VPS13B: variants seen among roughly 807,000 people sequenced by gnomAD.
VPS13B encodes intermembrane lipid transfer protein VPS13B.
Under a neutral mutation model 426.4 loss-of-function variants are expected in VPS13B, and 285 were observed. The ratio of observed to expected loss-of-function variants is 0.67; its 90% CI spans 0.61 to 0.74. The LOEUF is 0.74. Among genes scored for constraint, VPS13B ranks in the 30% least tolerant of loss-of-function variants. The probability of loss-of-function intolerance (pLI) is 0.00; values close to 1 mark genes in which losing one functional copy is unlikely to be tolerated. For synonymous variants in VPS13B, 1,676 were observed against 1,676.4 expected (o/e 1.00, Z 0.01); for missense variants, 4,537 against 4,782.6 (o/e 0.95, Z 1.51).
rs74912622 is a variant in VPS13B, at chr8:99,180,590, G to C, written c.2333+10427G>C. On this transcript the variant is annotated intron_variant, in intron 16 of 61. Coordinates refer to ENST00000357162, the MANE Select transcript of VPS13B (RefSeq NM_152564.5). ...ATGGTCAGGGAAGTTCTCTTACATG[G>C]ATGTGACTTTTGACTCCAACCTAAA... Among the ~76,000 whole-genome samples the C allele has an allele frequency of 4.2e-3, 633 of 152,292 alleles. 9 individuals are homozygous for C. The highest frequency in any genetic ancestry group is 0.015 in the African/African-American group (608 of 41,572).
At chr8:99,026,917 C>A (rs1230547526) in intron 2 of VPS13B, among the ~76,000 whole-genome samples, 1 of 152,070 alleles carries the variant, frequency 6.6e-6, no homozygotes, top group African/African-American at 2.4e-5. Flanking sequence ...CACTCTGTCA[C>A]CCAGGCTGGA....
In VPS13B at chr8:99,489,878, G is replaced by A. The variant is rs193211037; in HGVS notation, c.3870+8076G>A. 6.3e-3 allele frequency among the ~76,000 whole-genome samples: 962 copies of A among 152,084 alleles called. 8 individuals are homozygous for A. The highest frequency in any genetic ancestry group is 0.022 in the African/African-American group (902 of 41,520). On this transcript the variant is annotated intron_variant, in intron 25 of 61. Coordinates refer to ENST00000357162, the MANE Select transcript of VPS13B (RefSeq NM_152564.5). ...GGACAATTTGACTTCCTCTTTTCCT[G>A]CTTGAATACCCTTTATTTCTTTCTC...
Position 99,256,206 on chromosome 8 carries a change from T to G in VPS13B, c.2516-17992T>G, listed in dbSNP as rs1817735734. On this transcript the variant is annotated intron_variant, in intron 17 of 61. Coordinates refer to ENST00000357162, the MANE Select transcript of VPS13B (RefSeq NM_152564.5). ...GCAAAACAAAACCCGTGATCCTTAC[T>G]ACCATGACATTTGCTGGGTCTACAT... Among the ~76,000 whole-genome samples, 3 of 152,212 alleles carry G rather than the reference T, an allele frequency of 2.0e-5. 1 individual carries two copies. In the South Asian group the frequency reaches 6.2e-4, roughly 31 times the overall value.
chr8:99,659,206 A>G (rs942523698), intron 34 of VPS13B, among the ~76,000 whole-genome samples: 4 of 152,134 alleles, frequency 2.6e-5, no homozygotes, highest in African/African-American at 9.7e-5. Flanking sequence ...AAGATTTAGT[A>G]TATTTTAATG....
chr8:99,123,227 T>C (rs2132522968), intron 8 of VPS13B, among the ~76,000 whole-genome samples: 1 of 151,458 alleles, frequency 6.6e-6, no homozygotes, highest in South Asian at 2.1e-4. Context: ...AATGGGATGA[T>C]CAGGGAAGGC....
chr8:99,307,256 A>G (rs974605820), intron 19 of VPS13B, among the ~76,000 whole-genome samples: 2 of 152,128 alleles, frequency 1.3e-5, no homozygotes, highest in Non-Finnish European at 2.9e-5. Context: ...CAGAGAAAAT[A>G]GCATTAAGGT....
At chr8:99,130,957 A>T (rs1171659579) in intron 8 of VPS13B, among the ~76,000 whole-genome samples, 5 of 152,330 alleles carry the variant, frequency 3.3e-5, no homozygotes, top group African/African-American at 9.6e-5. Flanking sequence ...TTAAAATTGT[A>T]ACTTTCTAGT....
At chr8:99,840,809 A>G (rs1815644892) in intron 54 of VPS13B, among the ~76,000 whole-genome samples, 1 of 152,240 alleles carries the variant, frequency 6.6e-6, no homozygotes, top group Non-Finnish European at 1.5e-5. Flanking sequence ...AGTAATTTTC[A>G]GAGTTATGTC....
intron 35 of VPS13B, among the ~76,000 whole-genome samples, chr8:99,662,237 ATCT>A (rs994803108): frequency 1.3e-5 from 2 of 151,898 alleles, no homozygotes; most frequent in Admixed American, 1.3e-4. Flanking sequence ...TTATTCCTCG[ATCT>A]TCCTCCTCTG....
chr8:99,434,526 C>T (rs1478955972), intron 22 of VPS13B, among the ~76,000 whole-genome samples: 2 of 152,154 alleles, frequency 1.3e-5, no homozygotes, highest in African/African-American at 2.4e-5. Flanking sequence ...GATACAGACA[C>T]ATTATGCATA....
At chr8:99,350,896 T>C (rs1261212462) in intron 19 of VPS13B, among the ~76,000 whole-genome samples, 1 of 151,828 alleles carries the variant, frequency 6.6e-6, no homozygotes, top group Non-Finnish European at 1.5e-5. Flanking sequence ...CAGGAGATTG[T>C]AATATGTAAT....
At position 99,472,150 on chromosome 8, in the gene VPS13B, C is replaced by T. The variant is rs1819444495; in HGVS notation, c.3666+4516C>T. Reference sequence around the variant, plus strand: ...GGAAAAAGATAGAGAATTCTAGAATCGTAGTAGGAAATTTTTATAACACCT... The same window carrying T: ...GGAAAAAGATAGAGAATTCTAGAATTGTAGTAGGAAATTTTTATAACACCT... On this transcript the variant is annotated intron_variant, in intron 24 of 61. Coordinates refer to ENST00000357162, the MANE Select transcript of VPS13B (RefSeq NM_152564.5). Among the ~76,000 whole-genome samples the T allele has an allele frequency of 2.0e-5, 3 of 151,754 alleles. 1 individual carries two copies. In the South Asian group the frequency reaches 6.2e-4, roughly 32 times the overall value.
At chr8:99,366,583 A>C (rs960628421) in intron 19 of VPS13B, among the ~76,000 whole-genome samples, 8 of 144,860 alleles carry the variant, frequency 5.5e-5, no homozygotes, top group African/African-American at 1.5e-4. Flanking sequence ...TGGACAGGTT[A>C]GTCCATTTAT....
intron 35 of VPS13B, among the ~76,000 whole-genome samples, chr8:99,668,138 A>C (rs572438622): frequency 6.6e-6 from 1 of 152,270 alleles, no homozygotes; most frequent in African/African-American, 2.4e-5. Flanking sequence ...CTATATTAGT[A>C]ATTTCCACCT....
intron 23 of VPS13B, among the ~76,000 whole-genome samples, chr8:99,466,954 A>G (rs1819141146): frequency 6.6e-6 from 1 of 152,168 alleles, no homozygotes; most frequent in South Asian, 2.1e-4. Flanking sequence ...ACATTCTATC[A>G]GGCAGAGCTG....
At chr8:99,639,552 A>G (rs1297704731) in intron 33 of VPS13B, among the ~76,000 whole-genome samples, 1 of 151,776 alleles carries the variant, frequency 6.6e-6, no homozygotes, top group Non-Finnish European at 1.5e-5. Flanking sequence ...AAACCAATTA[A>G]CAAGAAATAT....
chr8:99,308,460 G>A (rs1210677893), intron 19 of VPS13B, among the ~76,000 whole-genome samples: 3 of 152,076 alleles, frequency 2.0e-5, no homozygotes, highest in Non-Finnish European at 2.9e-5. Flanking sequence ...ATAGTTTGCT[G>A]CGAATGATGG....
At chr8:99,305,305 A>T (rs1683772353) in intron 19 of VPS13B, among the ~76,000 whole-genome samples, 3 of 152,152 alleles carry the variant, frequency 2.0e-5, no homozygotes, top group African/African-American at 7.2e-5. Flanking sequence ...AAAAATAATA[A>T]CTAGTAAAAA....
chr8:99,198,664 T>C (rs1462370876), intron 17 of VPS13B, among the ~76,000 whole-genome samples: 1 of 152,214 alleles, frequency 6.6e-6, no homozygotes, highest in Non-Finnish European at 1.5e-5. Flanking sequence ...TTAGTGGAAC[T>C]AATTTTTGCA....
Sources: allele counts gnomAD v4.1 joint callset (sites outside exome capture counted in the v4.1 genomes callset), GRCh38; gene constraint gnomAD v4.1.1; transcripts MANE v1.5; gene names NCBI Gene and HGNC (gene_info 2026-07-23, HGNC 2026-07-21).